CRTC1: variants seen among roughly 807,000 people sequenced by gnomAD.
CRTC1 encodes the protein CREB regulated transcription coactivator 1.
Under a neutral mutation model 66.1 loss-of-function variants are expected in CRTC1, and 18 were observed. The ratio of observed to expected loss-of-function variants is 0.27; its 90% CI spans 0.19 to 0.40. The LOEUF (loss-of-function observed/expected upper bound fraction) is 0.40. Ranked by LOEUF, CRTC1 falls within the 10% of genes least tolerant of loss-of-function variation. CRTC1 has a pLI of 1.00. For synonymous variants in CRTC1, 416 were observed against 398.8 expected, an observed-to-expected ratio of 1.04 and a Z score of -0.51; for missense variants, 669 against 887.9, an observed-to-expected ratio of 0.75 and a Z score of 3.13.
At chr19:18,712,239 C>T (rs60800487) in intron 1 of CRTC1, among the ~76,000 whole-genome samples, 6,370 of 151,770 alleles carry the variant, frequency 0.042, 202 homozygotes, top group African/African-American at 0.071. Flanking sequence ...AGCCACTGTG[C>T]CTGGCCCAGT....
At chr19:18,726,126 C>A (rs1274261502) in intron 1 of CRTC1, among the ~76,000 whole-genome samples, 1 of 152,270 alleles carries the variant, frequency 6.6e-6, no homozygotes, top group Non-Finnish European at 1.5e-5. Context: ...GCGCATAAAT[C>A]TGCGTTCTGG....
At chr19:18,749,931 C>A in intron 5 of CRTC1, 56 bp downstream of exon 5, 1 of 1,380,068 alleles carries the variant, frequency 7.2e-7, no homozygotes, top group Non-Finnish European at 1.0e-6. Context: ...CAGCAGGTAA[C>A]CCCTGTTCTC....
In CRTC1 at chr19:18,759,542, C is replaced by G; in HGVS notation, c.625-9C>G. On this transcript the variant is annotated splice_polypyrimidine_tract_variant and intron_variant, in intron 6 of 13. Transcript: ENST00000321949. ...CCCAGGGCTCAGGCTCTCCTGTCTTCTCTTTCAGACGGGGTCCAGGCCCAA... is the reference window on the plus strand; with the variant it reads ...CCCAGGGCTCAGGCTCTCCTGTCTTGTCTTTCAGACGGGGTCCAGGCCCAA... 6.2e-7 allele frequency: 1 copy of G among 1,612,416 alleles called. No homozygotes were observed. The highest frequency in any genetic ancestry group is 1.7e-5 in the Admixed American group (1 of 59,912).
At chr19:18,762,562 A>G (rs1451339435) in intron 8 of CRTC1, among the ~76,000 whole-genome samples, 1 of 152,120 alleles carries the variant, frequency 6.6e-6, no homozygotes, top group Non-Finnish European at 1.5e-5. Context: ...TACATTTCCC[A>G]TATCCCTGGC....
chr19:18,756,883 G>T (rs535749256), intron 6 of CRTC1, among the ~76,000 whole-genome samples: 1 of 152,228 alleles, frequency 6.6e-6, no homozygotes, highest in African/African-American at 2.4e-5. Flanking sequence ...GAACGTGATC[G>T]CCGGTGTGCT....
intron 1 of CRTC1, among the ~76,000 whole-genome samples, chr19:18,739,117 C>T (rs1022521090): frequency 3.3e-5 from 5 of 152,226 alleles, no homozygotes; most frequent in East Asian, 3.8e-4. Flanking sequence ...GAGTGAGGGG[C>T]GCCCTGGGAG....
Position 18,685,309 on chromosome 19 carries a change from A to G in CRTC1, c.126+1481A>G, listed in dbSNP as rs550725869. Among the ~76,000 whole-genome samples the G allele has an allele frequency of 3.3e-5, 5 of 152,182 alleles. No homozygotes were observed. The South Asian group carries it at 6.2e-4, about 19-fold the overall frequency. On this transcript the variant is annotated intron_variant, in intron 1 of 13. Coordinates refer to ENST00000321949, the MANE Select transcript of CRTC1 (RefSeq NM_015321.3). ...TGTCCTCCCAGCTCCAAGCAGCTACATTCTTGCTCAGGATGTAGAGAAAGA... is the reference window on the plus strand; with the variant it reads ...TGTCCTCCCAGCTCCAAGCAGCTACGTTCTTGCTCAGGATGTAGAGAAAGA...
At chr19:18,695,814 G>A (rs1013755390) in intron 1 of CRTC1, among the ~76,000 whole-genome samples, 10 of 152,148 alleles carry the variant, frequency 6.6e-5, no homozygotes, top group African/African-American at 2.2e-4. Flanking sequence ...GCGGTGAGCC[G>A]AGATCGCGTC....
intron 1 of CRTC1, among the ~76,000 whole-genome samples, chr19:18,697,350 CT>C (rs1191089261): frequency 6.6e-6 from 1 of 151,004 alleles, no homozygotes; most frequent in Admixed American, 6.6e-5. Context: ...TGGGAGGCCT[CT>C]TTTTTTTTGG....
intron 9 of CRTC1, among the ~76,000 whole-genome samples, chr19:18,767,864 G>A (rs1224160211): frequency 1.3e-5 from 2 of 152,250 alleles, no homozygotes; most frequent in African/African-American, 4.8e-5. Flanking sequence ...GCCTTTCTTA[G>A]AGGGCAGGGA....
intron 8 of CRTC1, among the ~76,000 whole-genome samples, chr19:18,761,761 C>T (rs1427671824): frequency 9.9e-5 from 15 of 152,236 alleles, no homozygotes. Flanking sequence ...GCTTTGGTGC[C>T]AGCAGGGCCA....
Position 18,718,596 on chromosome 19 carries a change from G to A in CRTC1, c.127-24314G>A, listed in dbSNP as rs796286195. Among the ~76,000 whole-genome samples the A allele has an allele frequency of 4.7e-5, 7 of 149,968 alleles. No individual in the cohort carries two copies. The South Asian group carries it at 1.3e-3, about 27-fold the overall frequency. ...GGCCTCAAGGGATCTTCCCTCCTCCGCCTCCCAAAGTGCTGGGATTACAAG... is the reference window on the plus strand; with the variant it reads ...GGCCTCAAGGGATCTTCCCTCCTCCACCTCCCAAAGTGCTGGGATTACAAG... On this transcript the variant is annotated intron_variant, in intron 1 of 13. Transcript: ENST00000321949.
chr19:18,759,929 T>G (rs562729944), intron 7 of CRTC1, 79 bp from the exon 8 acceptor site: 14 of 980,410 alleles, frequency 1.4e-5, no homozygotes, highest in Middle Eastern at 3.5e-4. Flanking sequence ...CCCGCTGATT[T>G]TCTCCCGCCA....
intron 11 of CRTC1, among the ~76,000 whole-genome samples, chr19:18,772,523 C>T (rs529667335): frequency 6.6e-6 from 1 of 152,304 alleles, no homozygotes; most frequent in East Asian, 1.9e-4. Context: ...GGGATGCTCT[C>T]GTCCTACTTC....
In CRTC1 at chr19:18,745,861, C is replaced by T. The variant is rs750782712; in HGVS notation, c.282C>T (p.Thr94=). 19 of 1,613,702 alleles carry T rather than the reference C, an allele frequency of 1.2e-5. No individual in the cohort carries two copies. In the Admixed American group the frequency reaches 3.2e-4, roughly 27 times the overall value. The part of the protein sequence containing the change: ...FQSSGLDTSR[T]TRHHGLVDRV... ...CCTCGGGCCTGGACACCAGCCGGACCACCCGGCACCATGGGCTGGTGGACA... is the reference window on the plus strand; with the variant it reads ...CCTCGGGCCTGGACACCAGCCGGACTACCCGGCACCATGGGCTGGTGGACA... The change falls in exon 3 of 14, where the codon ACC becomes ACT. Residue 94 remains threonine, a synonymous_variant. Transcript: ENST00000321949.
At chr19:18,712,933 C>G (rs577048118) in intron 1 of CRTC1, among the ~76,000 whole-genome samples, 2 of 150,914 alleles carry the variant, frequency 1.3e-5, no homozygotes, top group Non-Finnish European at 3.0e-5. Context: ...GCACTCCAGG[C>G]TGGGTGACGG....
intron 1 of CRTC1, among the ~76,000 whole-genome samples, chr19:18,717,049 ATG>A (rs1372977304): frequency 3.9e-5 from 6 of 152,098 alleles, no homozygotes; most frequent in African/African-American, 1.4e-4. Context: ...ACGTGCATGA[ATG>A]TGTTTATGTG....
intron 1 of CRTC1, among the ~76,000 whole-genome samples, chr19:18,724,815 A>G (rs944928920): frequency 1.1e-5 from 1 of 90,562 alleles, no homozygotes; most frequent in African/African-American, 4.4e-5. Flanking sequence ...ATAAGGTCAT[A>G]CTCTCAGGTT....
intron 1 of CRTC1, among the ~76,000 whole-genome samples, chr19:18,700,502 T>G (rs569821216): frequency 6.6e-6 from 1 of 152,246 alleles, no homozygotes; most frequent in Non-Finnish European, 1.5e-5. Flanking sequence ...ACACTTTTTT[T>G]TTTTTAAATA....
Sources: allele counts gnomAD v4.1 joint callset (sites outside exome capture counted in the v4.1 genomes callset), GRCh38; gene constraint gnomAD v4.1.1; transcripts MANE v1.5; gene names NCBI Gene and HGNC (gene_info 2026-07-23, HGNC 2026-07-21).